The following ZNF627 variants were observed in gnomAD, a reference collection of about 807,000 sequenced individuals.
ZNF627 encodes zinc finger protein 627.
Under a neutral mutation model 10.6 loss-of-function variants are expected in ZNF627, and 12 were observed. The ratio of observed to expected loss-of-function variants is 1.13; its 90% CI spans 0.73 to 1.84. The LOEUF (loss-of-function observed/expected upper bound fraction) is 1.84. Ranked by LOEUF, ZNF627 falls within the 40% of genes most tolerant of loss-of-function variation. The pLI is 0.00. For synonymous variants in ZNF627, 176 were observed against 187.1 expected, an observed-to-expected ratio of 0.94 and a Z score of 0.48; for missense variants, 504 against 568.4, an observed-to-expected ratio of 0.89 and a Z score of 1.15.
chr19:11,617,091 A>C lies in ZNF627; in HGVS notation c.588A>C (p.Lys196Asn). ...MLTHRGGVPY[K>N]CKVCGKAFDY... is the part of the protein sequence containing the mutation. ...CGCATAGGGGAGGTGTACCTTACAAATGTAAGGTGTGTGGGAAAGCCTTTG... is the reference window on the plus strand; with the variant it reads ...CGCATAGGGGAGGTGTACCTTACAACTGTAAGGTGTGTGGGAAAGCCTTTG... Residue 196 changes from lysine to asparagine, a missense_variant, in exon 4 of 4, where the codon AAA becomes AAC. Physicochemically the swap from Lys to Asn is moderately conservative, Grantham distance 94. Coordinates refer to ENST00000361113, the MANE Select transcript of ZNF627 (RefSeq NM_145295.4). The C allele has an allele frequency of 6.2e-7, 1 of 1,614,122 alleles. No individual in the cohort carries two copies. The highest frequency in any genetic ancestry group is 8.5e-7 in the Non-Finnish European group (1 of 1,180,012).
chr19:11,597,621 C>A lies in ZNF627; in HGVS notation c.-7C>A. ...GGGAGGACGCCGGGACACCTGGAAG[C>A]CGAGAAATGGTGCGTGTGAGGGGTC... On this transcript the variant is annotated 5_prime_UTR_variant, in exon 1 of 4. Coordinates refer to ENST00000361113, the MANE Select transcript of ZNF627 (RefSeq NM_145295.4). 7.5e-7 allele frequency: 1 copy of A among 1,334,230 alleles called. No homozygotes were observed. Among genetic ancestry groups the A allele is most frequent in the African/African-American group, 1.5e-5 (1 of 66,742 alleles). 82.6% of individuals were successfully genotyped at this position (1,334,230 alleles called of 1,614,324 possible). A position where few individuals can be genotyped will look rare whatever the true frequency, so the allele number is the denominator to read the frequency against.
intron 1 of ZNF627, among the ~76,000 whole-genome samples, chr19:11,603,830 C>T (rs1421983863): frequency 1.3e-5 from 2 of 151,484 alleles, no homozygotes; most frequent in Non-Finnish European, 2.9e-5. Flanking sequence ...TTTTAAGAGA[C>T]GAAGTCTTGC....
At position 11,617,385 on chromosome 19, in the gene ZNF627, T is replaced by A. The variant is rs1973892098; in HGVS notation, c.882T>A (p.Val294=). Residue 294 remains valine, a synonymous_variant, in exon 4 of 4, where the codon GTT becomes GTA. Transcript: ENST00000361113. The part of the protein sequence containing the change: ...CGKAFRCASS[V]RSHERTHTGE... ...AAGCCTTTAGGTGCGCCAGTTCTGT[T>A]CGAAGTCACGAGAGGACTCACACCG... 6.2e-7 allele frequency: 1 copy of A among 1,613,804 alleles called. No homozygotes were observed. The highest frequency in any genetic ancestry group is 8.5e-7 in the Non-Finnish European group (1 of 1,180,004).
In ZNF627 at chr19:11,602,005, C is replaced by CAAA. The variant is rs67176670; in HGVS notation, c.3+4398_3+4400dup. Among the ~76,000 whole-genome samples, 26 of 53,762 alleles carry CAAA rather than the reference C, an allele frequency of 4.8e-4. 1 individual carries two copies. The highest frequency in any genetic ancestry group is 1.3e-3 in the African/African-American group (17 of 13,190). 35.3% of individuals were successfully genotyped at this position (53,762 alleles called of 152,430 possible). A position where few individuals can be genotyped will look rare whatever the true frequency, so the allele number is the denominator to read the frequency against. On this transcript the variant is annotated intron_variant, in intron 1 of 3. Coordinates refer to ENST00000361113, the MANE Select transcript of ZNF627 (RefSeq NM_145295.4). Reference sequence around the variant, plus strand: ...TGGGCGACAGAGTGAGACTCTGTCTCAAAAAAAAAAAAAAAAAAAAAAAAA... The same window carrying CAAA: ...TGGGCGACAGAGTGAGACTCTGTCTCAAAAAAAAAAAAAAAAAAAAAAAAAAAA...
Position 11,597,543 on chromosome 19 carries a change from T to C in ZNF627, c.-85T>C, listed in dbSNP as rs528242484. The C allele has an allele frequency of 1.3e-5, 16 of 1,276,844 alleles. No homozygotes were observed. The East Asian group carries it at 4.3e-4, about 35-fold the overall frequency. 79.1% of individuals were successfully genotyped at this position (1,276,844 alleles called of 1,614,324 possible). On this transcript the variant is annotated 5_prime_UTR_variant, in exon 1 of 4. Transcript: ENST00000361113. ...CCGTTTCTCCGAGAGGCCCAAGGTG[T>C]CTCCGCCGCAGCCTCTGTCGCGCCG...
At chr19:11,598,958 G>C (rs1025547942) in intron 1 of ZNF627, among the ~76,000 whole-genome samples, 5 of 152,150 alleles carry the variant, frequency 3.3e-5, no homozygotes, top group African/African-American at 1.2e-4. Flanking sequence ...AAGGCGGGAG[G>C]ATCACCTGAG....
intron 1 of ZNF627, among the ~76,000 whole-genome samples, chr19:11,612,479 T>TG (rs1445301719): frequency 7.4e-6 from 1 of 135,062 alleles, no homozygotes; most frequent in East Asian, 2.2e-4. Context: ...TGGAGTGCAG[T>TG]GGGGCAATCT....
rs113212956 is a variant in ZNF627 at position 11,603,974 on chromosome 19, AT to A, written c.3+6358del. ...AGGTGTGCACCACCACATCTGGCTA[AT>A]TTTTTTTTTTTTTGGTAGATGGGGG... On this transcript the variant is annotated intron_variant, in intron 1 of 3. Coordinates refer to ENST00000361113, the MANE Select transcript of ZNF627 (RefSeq NM_145295.4). Among the ~76,000 whole-genome samples the A allele has an allele frequency of 5.7e-3, 804 of 141,504 alleles. 3 individuals carry two copies. The highest frequency in any genetic ancestry group is 0.011 in the Middle Eastern group (3 of 276). The allele number at this position is 141,504 out of a possible 152,430, so 92.8% of individuals were successfully genotyped here.
In ZNF627 at chr19:11,617,095, A is replaced by G. The variant is rs1018395460; in HGVS notation, c.592A>G (p.Lys198Glu). The stretch of plus-strand genomic sequence containing the variant: ...TAGGGGAGGTGTACCTTACAAATGT[A>G]AGGTGTGTGGGAAAGCCTTTGATTA... ...THRGGVPYKC[K>E]VCGKAFDYPS... The change falls in exon 4 of 4, where the codon AAG becomes GAG. Residue 198 changes from lysine to glutamate, a missense_variant. Lys to Glu is a moderately conservative substitution (Grantham distance 56, BLOSUM62 1). Coordinates refer to ENST00000361113, the MANE Select transcript of ZNF627 (RefSeq NM_145295.4). The G allele has an allele frequency of 6.2e-7, 1 of 1,614,106 alleles. No homozygotes were observed. Among genetic ancestry groups the G allele is most frequent in the Non-Finnish European group, 8.5e-7 (1 of 1,180,020 alleles).
At chr19:11,600,576 AAGAG>A (rs1332212985) in intron 1 of ZNF627, among the ~76,000 whole-genome samples, 1 of 152,120 alleles carries the variant, frequency 6.6e-6, no homozygotes, top group African/African-American at 2.4e-5. Context: ...TACTAAGGAA[AAGAG>A]AGAGAGAAAA....
intron 1 of ZNF627, among the ~76,000 whole-genome samples, chr19:11,606,645 A>G (rs1973680329): frequency 6.6e-6 from 1 of 152,118 alleles, no homozygotes; most frequent in South Asian, 2.1e-4. Flanking sequence ...CAGTTCCCAC[A>G]TTTCTCTTCT....
chr19:11,614,953 T>G, intron 3 of ZNF627, 66 bp downstream of exon 3: 2 of 1,310,932 alleles, frequency 1.5e-6, no homozygotes, highest in Non-Finnish European at 2.1e-6. Flanking sequence ...GGAATTTTTT[T>G]TTTTTTTTTT....
intron 1 of ZNF627, among the ~76,000 whole-genome samples, chr19:11,614,279 G>A (rs1289183715): frequency 6.6e-6 from 1 of 152,158 alleles, no homozygotes; most frequent in Admixed American, 6.6e-5. Flanking sequence ...ATTAGGGGTG[G>A]CCCAGGCAGT....
chr19:11,613,900 G>A (rs1276129529), intron 1 of ZNF627, among the ~76,000 whole-genome samples: 1 of 148,582 alleles, frequency 6.7e-6, no homozygotes, highest in African/African-American at 2.5e-5. Context: ...TCTTTTTTCT[G>A]CACTCTAGTT....
chr19:11,598,316 T>C (rs929687540), intron 1 of ZNF627, among the ~76,000 whole-genome samples: 1 of 152,262 alleles, frequency 6.6e-6, no homozygotes, highest in Non-Finnish European at 1.5e-5. Flanking sequence ...GGAGGATCGC[T>C]TGGGCCCAGG....
rs752218182 is a variant in ZNF627 at position 11,617,856 on chromosome 19, C to T, written c.1353C>T (p.Asn451=). ...GAGAGAAACCCTATGAGAACCCTAACCCTAACGCTTCAGTTGTCCCAGTTC... is the reference window on the plus strand; with the variant it reads ...GAGAGAAACCCTATGAGAACCCTAATCCTAACGCTTCAGTTGTCCCAGTTC... ...HTGEKPYENP[N]PNASVVPVLS Residue 451 remains asparagine (N), a synonymous_variant, in exon 4 of 4, where the codon AAC becomes AAT. Transcript: ENST00000361113. 5 of 1,567,874 alleles carry T rather than the reference C, an allele frequency of 3.2e-6. No individual in the cohort carries two copies. Among genetic ancestry groups the T allele is most frequent in the Non-Finnish European group, 4.3e-6 (5 of 1,163,376 alleles).
Position 11,612,118 on chromosome 19 carries a change from C to CTT in ZNF627, c.4-2390_4-2389dup, listed in dbSNP as rs533449447. Among the ~76,000 whole-genome samples, 218 of 91,700 alleles carry CTT rather than the reference C, an allele frequency of 2.4e-3. 13 individuals carry two copies. Among genetic ancestry groups the CTT allele is most frequent in the African/African-American group, 6.3e-3 (146 of 23,310 alleles). 60.2% of individuals were successfully genotyped at this position (91,700 alleles called of 152,430 possible). A position where few individuals can be genotyped will look rare whatever the true frequency, so the allele number is the denominator to read the frequency against. ...TGTATGTAAGTTAAGGGTCCAACTG[C>CTT]TTTTTTTTTTTTTTTTTTTTGAGAT... On this transcript the variant is annotated intron_variant, in intron 1 of 3. Coordinates refer to ENST00000361113, the MANE Select transcript of ZNF627 (RefSeq NM_145295.4).
At chr19:11,610,505 G>C (rs1343394673) in intron 1 of ZNF627, among the ~76,000 whole-genome samples, 1 of 152,120 alleles carries the variant, frequency 6.6e-6, no homozygotes, top group Non-Finnish European at 1.5e-5. Flanking sequence ...TGGAGGCTGA[G>C]GTGGGAGGAT....
rs748422041 is a variant in ZNF627 at position 11,617,299 on chromosome 19, A to G, written c.796A>G (p.Ile266Val). ...GAAAGCTTTCAGTTGTTCCAAGTAC[A>G]TTCGAATCCATGAACGAACTCACAC... The part of the protein sequence containing the change: ...CGKAFSCSKY[I>V]RIHERTHTGE... Residue 266 changes from isoleucine (I) to valine (V), a missense_variant, in exon 4 of 4, where the codon ATT (isoleucine) becomes GTT (valine). Coordinates refer to ENST00000361113, the MANE Select transcript of ZNF627 (RefSeq NM_145295.4). The G allele has an allele frequency of 3.7e-5, 60 of 1,613,458 alleles. No individual in the cohort carries two copies. Among genetic ancestry groups the G allele is most frequent in the Non-Finnish European group, 5.0e-5 (59 of 1,179,876 alleles).
Sources: gnomAD v4.1 joint callset for allele counts (sites outside exome capture counted in the v4.1 genomes callset) on GRCh38, gnomAD v4.1.1 for gene constraint, MANE v1.5 for transcripts, NCBI Gene and HGNC (gene_info 2026-07-23, HGNC 2026-07-21) for gene names.